The following EXOC3L2 variants were observed in gnomAD, a reference collection of about 807,000 sequenced individuals.
EXOC3L2 encodes the protein exocyst complex component 3-like protein 2.
In EXOC3L2, 17 loss-of-function variants were observed where a neutral mutation model predicts 44.4. The ratio of observed to expected loss-of-function variants is 0.38; its 90% CI spans 0.26 to 0.57. The LOEUF is 0.57. Ranked by LOEUF, EXOC3L2 falls within the 20% of genes least tolerant of loss-of-function variation. The probability of loss-of-function intolerance (pLI) is 0.65; values close to 1 mark genes in which losing one functional copy is unlikely to be tolerated. For missense variants in EXOC3L2, 541 were observed against 588.4 expected, an observed-to-expected ratio of 0.92 and a Z score of 0.83; for synonymous variants, 256 against 253.7, an observed-to-expected ratio of 1.01 and a Z score of -0.09.
At chr19:45,213,753 T>TG (rs1233452030) in intron 11 of EXOC3L2, among the ~76,000 whole-genome samples, 3 of 151,132 alleles carry the variant, frequency 2.0e-5, no homozygotes, top group Non-Finnish European at 2.9e-5. Context: ...GAGACCAGCC[T>TG]GGCCAACATG....
At position 45,230,437 on chromosome 19, in the gene EXOC3L2, C is replaced by G. The variant is rs1022885279; in HGVS notation, c.1269+1326G>C. Among the ~76,000 whole-genome samples the G allele has an allele frequency of 2.6e-5, 4 of 152,126 alleles. No homozygotes were observed. In the East Asian group the frequency reaches 7.7e-4, roughly 29 times the overall value. On this transcript the variant is annotated intron_variant, in intron 4 of 11. Transcript: ENST00000413988. ...GTTTCACTGTGTTAGCCAGGATGGT[C>G]TCAATCTCCTGACCTCGTGATCCAC...
chr19:45,228,189 G>T lies in EXOC3L2; in HGVS notation c.1347C>A (p.Ser449Arg). 2 of 1,614,150 alleles carry T rather than the reference G, an allele frequency of 1.2e-6. No homozygotes were observed. The highest frequency in any genetic ancestry group is 1.7e-6 in the Non-Finnish European group (2 of 1,180,018). The change falls in exon 5 of 12, where the codon AGC becomes AGA. Residue 449 changes from serine (S) to arginine (R), a missense_variant. Physicochemically the swap from Ser to Arg is moderately radical, Grantham distance 110. Coordinates refer to ENST00000413988, the MANE Select transcript of EXOC3L2 (RefSeq NM_001382422.1). ...EHWGSLEDQP[S>R]SLAQDVCELL... The stretch of plus-strand genomic sequence containing the variant: ...CCTCACACACATCCTGGGCCAGGCT[G>T]CTGGGCTGGTCCTCCAGGCTCCCCC...
At chr19:45,232,358 AC>A (rs1970040610) in intron 3 of EXOC3L2, among the ~76,000 whole-genome samples, 1 of 152,146 alleles carries the variant, frequency 6.6e-6, no homozygotes, top group Non-Finnish European at 1.5e-5. Flanking sequence ...CCATTGCCCT[AC>A]AAATTGGACC....
intron 11 of EXOC3L2, 43 bp downstream of exon 11, chr19:45,216,030 T>G: frequency 6.2e-7 from 1 of 1,607,182 alleles, no homozygotes. Context: ...CCAGGAGACC[T>G]CGGCCAGGCA....
chr19:45,237,795 A>T (rs1970096987), intron 2 of EXOC3L2, among the ~76,000 whole-genome samples: 1 of 152,170 alleles, frequency 6.6e-6, no homozygotes, highest in South Asian at 2.1e-4. Context: ...AGGCAATCAA[A>T]TTAAAGTGAG....
In EXOC3L2 at chr19:45,212,460, G is replaced by A. The variant is rs1040236161; in HGVS notation, c.*609C>T. On this transcript the variant is annotated 3_prime_UTR_variant, in exon 12 of 12. Transcript: ENST00000413988. ...AGACCTTGAGGTGAGGGAAAGGGGCGGGGGAGCTGGGATATTTCTGTAGAG... is the reference window on the plus strand; with the variant it reads ...AGACCTTGAGGTGAGGGAAAGGGGCAGGGGAGCTGGGATATTTCTGTAGAG... Among the ~76,000 whole-genome samples, 20 of 152,102 alleles carry A rather than the reference G, an allele frequency of 1.3e-4. No homozygotes were observed. The highest frequency in any genetic ancestry group is 2.6e-4 in the Non-Finnish European group (18 of 68,024).
At chr19:45,224,745 T>G (rs970447116) in intron 8 of EXOC3L2, 33 bp downstream of exon 8, 42 of 1,541,820 alleles carry the variant, frequency 2.7e-5, no homozygotes, top group Non-Finnish European at 3.7e-5. Flanking sequence ...TGTCCTGGCA[T>G]GGGCCCCAAC....
intron 4 of EXOC3L2, among the ~76,000 whole-genome samples, chr19:45,229,001 A>T (rs1031480939): frequency 1.3e-5 from 2 of 151,618 alleles, no homozygotes; most frequent in African/African-American, 4.8e-5. Context: ...AACCCGGGAG[A>T]CGGAGCTTGC....
At chr19:45,235,009 G>T (rs899813260) in intron 2 of EXOC3L2, among the ~76,000 whole-genome samples, 183 bp from the exon 3 acceptor site, 1 of 152,126 alleles carries the variant, frequency 6.6e-6, no homozygotes, top group Non-Finnish European at 1.5e-5. Flanking sequence ...AGTGAAGGAT[G>T]TAGGGGAGGG....
In EXOC3L2 at chr19:45,224,808, G is replaced by T; in HGVS notation, c.1689C>A (p.Val563=). 1 of 1,570,234 alleles carries T rather than the reference G, an allele frequency of 6.4e-7. No individual in the cohort carries two copies. The highest frequency in any genetic ancestry group is 8.6e-7 in the Non-Finnish European group (1 of 1,157,592). Residue 563 remains valine (V), a synonymous_variant, in exon 8 of 12, where the codon GTC becomes GTA. Coordinates refer to ENST00000413988, the MANE Select transcript of EXOC3L2 (RefSeq NM_001382422.1). The part of the protein sequence containing the change: ...LDHVTRLCHR[V]VANLLFQELQ... ...GCTCCTGGAACAGCAGGTTGGCCAC[G>T]ACACGGTGGCAGAGCCGGGTCACAT...
At chr19:45,218,421 G>A (rs747072559) in intron 8 of EXOC3L2, 102 bp from the exon 9 acceptor site, 1 of 1,378,798 alleles carries the variant, frequency 7.3e-7, no homozygotes, top group Non-Finnish European at 9.5e-7. Flanking sequence ...AACCAGGGCT[G>A]TGCGGTGCTG....
chr19:45,214,446 G>A (rs1969812314), intron 11 of EXOC3L2, among the ~76,000 whole-genome samples: 1 of 149,816 alleles, frequency 6.7e-6, no homozygotes, highest in Non-Finnish European at 1.5e-5. Context: ...TGGTACACTA[G>A]TTTTTTTGTG....
chr19:45,231,365 A>G (rs1228060093), intron 4 of EXOC3L2, among the ~76,000 whole-genome samples: 4 of 139,358 alleles, frequency 2.9e-5, no homozygotes, highest in Non-Finnish European at 6.1e-5. Flanking sequence ...GCACGTGCCT[A>G]TGGTGCCAGC....
intron 1 of EXOC3L2, among the ~76,000 whole-genome samples, chr19:45,240,070 T>C (rs1288675942): frequency 1.3e-5 from 2 of 151,746 alleles, no homozygotes; most frequent in Admixed American, 1.3e-4. Flanking sequence ...AGCAAAAACT[T>C]ATTGGGAAAT....
intron 3 of EXOC3L2, among the ~76,000 whole-genome samples, chr19:45,232,854 GAT>G (rs1970045342): frequency 6.6e-6 from 1 of 152,110 alleles, no homozygotes; most frequent in Admixed American, 6.6e-5. Context: ...AAGGTGGGTG[GAT>G]CACTTGAGGT....
intron 8 of EXOC3L2, among the ~76,000 whole-genome samples, chr19:45,224,230 G>A (rs941022599): frequency 1.3e-5 from 2 of 152,058 alleles, no homozygotes; most frequent in African/African-American, 4.8e-5. Flanking sequence ...AGTGAGGGAA[G>A]GGGCTGATTG....
chr19:45,223,480 G>A (rs1290634774), intron 8 of EXOC3L2, among the ~76,000 whole-genome samples: 1 of 151,776 alleles, frequency 6.6e-6, no homozygotes, highest in Non-Finnish European at 1.5e-5. Flanking sequence ...GTAGCTGGGA[G>A]TACAGGTGTG....
Position 45,235,352 on chromosome 19 carries a change from A to AG in EXOC3L2, c.524-527dup, listed in dbSNP as rs1421304803. Among the ~76,000 whole-genome samples, 9 of 152,074 alleles carry AG rather than the reference A, an allele frequency of 5.9e-5. 1 individual carries two copies. Among genetic ancestry groups the AG allele is most frequent in the Admixed American group, 5.9e-4 (9 of 15,242 alleles). On this transcript the variant is annotated intron_variant, in intron 2 of 11. Coordinates refer to ENST00000413988, the MANE Select transcript of EXOC3L2 (RefSeq NM_001382422.1). ...GGGAAAAGAAAAATGCCTGTGACTG[A>AG]GGAGGGGATCTGGGGAGGTTGCAGG...
chr19:45,228,249 G>A lies in EXOC3L2; in HGVS notation c.1287C>T (p.Ala429=). 1 of 1,614,070 alleles carries A rather than the reference G, an allele frequency of 6.2e-7. No individual in the cohort carries two copies. Among genetic ancestry groups the A allele is most frequent in the African/African-American group, 1.3e-5 (1 of 75,020 alleles). The change falls in exon 5 of 12, where the codon GCC becomes GCT. Residue 429 remains alanine, a synonymous_variant. Coordinates refer to ENST00000413988, the MANE Select transcript of EXOC3L2 (RefSeq NM_001382422.1). Reference sequence around the variant, plus strand: ...CGTCCTCCTGCAGCACACGGAGAAGGGCAGCCCGGGTCTGAGCCTACAGTA... The same window carrying A: ...CGTCCTCCTGCAGCACACGGAGAAGAGCAGCCCGGGTCTGAGCCTACAGTA... ...VTDVKAQTRA[A]LLRVLQEDEE...
Sources: allele counts gnomAD v4.1 joint callset (sites outside exome capture counted in the v4.1 genomes callset), GRCh38; gene constraint gnomAD v4.1.1; transcripts MANE v1.5; gene names NCBI Gene and HGNC (gene_info 2026-07-23, HGNC 2026-07-21).